CHD1: variants seen among roughly 807,000 people sequenced by gnomAD.
The protein encoded by CHD1 is ATP-dependent chromatin remodeler CHD1.
In CHD1, 36 loss-of-function variants were observed where a neutral mutation model predicts 224.2. The observed-to-expected ratio is 0.16, with a 90% CI of 0.12 to 0.21. The LOEUF (loss-of-function observed/expected upper bound fraction) is 0.21, where lower values mean the gene tolerates loss of function less well. Among genes scored for constraint, CHD1 ranks in the 10% least tolerant of loss-of-function variants. The probability of loss-of-function intolerance (pLI) is 1.00; values close to 1 mark genes in which losing one functional copy is unlikely to be tolerated. For missense variants in CHD1, 1,378 were observed against 1,994.8 expected (o/e 0.69, Z 5.89); for synonymous variants, 668 against 658.3 (o/e 1.01, Z -0.23).
chr5:98,863,919 T>C (rs1748662337), intron 31 of CHD1, among the ~76,000 whole-genome samples: 1 of 152,212 alleles, frequency 6.6e-6, no homozygotes, highest in Admixed American at 6.5e-5. Flanking sequence ...TAAAAGATAG[T>C]AAAATATTTC....
intron 18 of CHD1, among the ~76,000 whole-genome samples, chr5:98,883,446 G>A (rs185200224): frequency 1.8e-4 from 28 of 152,018 alleles, no homozygotes; most frequent in African/African-American, 3.6e-4. Context: ...GAAAGAAAAC[G>A]GGATAGGAAA....
intron 2 of CHD1, among the ~76,000 whole-genome samples, chr5:98,912,350 G>A (rs919489658): frequency 1.6e-4 from 24 of 152,156 alleles, no homozygotes; most frequent in African/African-American, 3.1e-4. Flanking sequence ...AAAAAAATCC[G>A]AAAAGATAAA....
chr5:98,896,071 G>A (rs1441529161), intron 12 of CHD1, among the ~76,000 whole-genome samples, 155 bp downstream of exon 12: 1 of 152,010 alleles, frequency 6.6e-6, no homozygotes, highest in Non-Finnish European at 1.5e-5. Flanking sequence ...CAGGAGTGGT[G>A]GCGTGCTCCT....
At chr5:98,859,166 AG>A in intron 33 of CHD1, 151 bp from the exon 34 acceptor site, 1 of 525,292 alleles carries the variant, frequency 1.9e-6, no homozygotes, top group Non-Finnish European at 3.3e-6. Flanking sequence ...TGACATTTAT[AG>A]ATCTCCATTT....
At chr5:98,875,353 T>C (rs899865965) in intron 24 of CHD1, among the ~76,000 whole-genome samples, 4 of 152,262 alleles carry the variant, frequency 2.6e-5, no homozygotes, top group African/African-American at 7.2e-5. Context: ...AATAAAACAA[T>C]AGAAGCTAAA....
intron 28 of CHD1, among the ~76,000 whole-genome samples, chr5:98,871,368 G>GAAA (rs1749319778): frequency 3.7e-5 from 1 of 26,884 alleles, no homozygotes. Context: ...CCCATTTTAG[G>GAAA]CAAAAAAAAA....
intron 18 of CHD1, among the ~76,000 whole-genome samples, chr5:98,883,561 G>A (rs1022144968): frequency 1.3e-5 from 2 of 151,652 alleles, no homozygotes; most frequent in African/African-American, 4.8e-5. Flanking sequence ...TTCCTTAAAG[G>A]AACTAAAAGT....
Position 98,856,327 on chromosome 5 carries a change from T to A in CHD1, c.*53A>T. The A allele has an allele frequency of 1.5e-6, 2 of 1,352,402 alleles. No individual in the cohort carries two copies. Among genetic ancestry groups the A allele is most frequent in the Non-Finnish European group, 2.1e-6 (2 of 956,090 alleles). 83.8% of individuals were successfully genotyped at this position (1,352,402 alleles called of 1,614,324 possible). A position where few individuals can be genotyped will look rare whatever the true frequency, so the allele number is the denominator to read the frequency against. On this transcript the variant is annotated 3_prime_UTR_variant, in exon 36 of 36. Coordinates refer to ENST00000614616, the MANE Select transcript of CHD1 (RefSeq NM_001270.4). ...TCATGTAAGGCAATTACTGTGTTGGTTTATGATATATGGCTAAAAGAAAAG... is the reference window on the plus strand; with the variant it reads ...TCATGTAAGGCAATTACTGTGTTGGATTATGATATATGGCTAAAAGAAAAG...
chr5:98,894,775 A>C, intron 12 of CHD1, 89 bp from the exon 13 acceptor site: 1 of 593,242 alleles, frequency 1.7e-6, no homozygotes, highest in Middle Eastern at 4.7e-4. Context: ...AATCCATTCA[A>C]ATATGTAAGT....
intron 35 of CHD1, among the ~76,000 whole-genome samples, chr5:98,856,943 A>C (rs1748080499): frequency 6.6e-6 from 1 of 152,120 alleles, no homozygotes; most frequent in African/African-American, 2.4e-5. Flanking sequence ...AACCATACAA[A>C]ACCCCTAAAA....
intron 2 of CHD1, among the ~76,000 whole-genome samples, chr5:98,919,957 T>C (rs1752982160): frequency 6.6e-6 from 1 of 152,104 alleles, no homozygotes; most frequent in Admixed American, 6.6e-5. Flanking sequence ...TGGCTGATTC[T>C]AGGGTAAAAG....
intron 2 of CHD1, among the ~76,000 whole-genome samples, chr5:98,910,276 G>A (rs1233388209): frequency 6.6e-6 from 1 of 152,044 alleles, no homozygotes; most frequent in African/African-American, 2.4e-5. Context: ...AATTTTAATA[G>A]TTTCAAAATA....
At chr5:98,871,875 A>C (rs182949629) in intron 28 of CHD1, among the ~76,000 whole-genome samples, 176 bp downstream of exon 28, 1 of 152,334 alleles carries the variant, frequency 6.6e-6, no homozygotes, top group East Asian at 1.9e-4. Context: ...AAAATCTCAG[A>C]AATCATTTAA....
intron 4 of CHD1, among the ~76,000 whole-genome samples, chr5:98,903,380 A>G (rs767297179): frequency 2.4e-4 from 36 of 151,400 alleles, no homozygotes; most frequent in Non-Finnish European, 3.5e-4. Flanking sequence ...CACAAACTAC[A>G]TTGTGTATAG....
chr5:98,887,265 CCTT>C (rs1376406235), intron 17 of CHD1, among the ~76,000 whole-genome samples: 1 of 152,110 alleles, frequency 6.6e-6, no homozygotes, highest in Non-Finnish European at 1.5e-5. Flanking sequence ...AAATACCTGT[CCTT>C]CTTCACAACA....
At chr5:98,861,111 G>A (rs1054794066) in intron 32 of CHD1, among the ~76,000 whole-genome samples, 12 of 152,108 alleles carry the variant, frequency 7.9e-5, no homozygotes, top group East Asian at 3.8e-4. Flanking sequence ...TGAGGCAAGC[G>A]TCAGCACTTA....
rs1748635660 is a variant in CHD1 at position 98,863,541 on chromosome 5, C to G, written c.4294G>C (p.Asp1432His). ...RPVKAALKQLDRPEKGLSERE... is the reference protein window; with the variant it reads ...RPVKAALKQLHRPEKGLSERE... ...TCTGAAAGGCCTTTCTCAGGCCTAT[C>G]AAGTTGTTTCAAAGCTGCTTTAACA... The change falls in exon 32 of 36, where the codon GAT (aspartate) becomes CAT (histidine). Residue 1432 changes from aspartate (D) to histidine (H), a missense_variant. Asp to His is a moderately conservative substitution (Grantham distance 81). Coordinates refer to ENST00000614616, the MANE Select transcript of CHD1 (RefSeq NM_001270.4). 1 of 1,608,826 alleles carries G rather than the reference C, an allele frequency of 6.2e-7. No individual in the cohort carries two copies. Among genetic ancestry groups the G allele is most frequent in the Non-Finnish European group, 8.5e-7 (1 of 1,178,624 alleles).
At chr5:98,903,475 C>A (rs1751855421) in intron 4 of CHD1, among the ~76,000 whole-genome samples, 1 of 150,832 alleles carries the variant, frequency 6.6e-6, no homozygotes, top group South Asian at 2.1e-4. Context: ...AATATTCCTT[C>A]ATTCATACAT....
chr5:98,859,821 C>T (rs1748327497), intron 33 of CHD1, 151 bp downstream of exon 33: 4 of 434,528 alleles, frequency 9.2e-6, no homozygotes, highest in Non-Finnish European at 8.4e-6. Context: ...CTGTGAATCT[C>T]GCCTGCAACA....
Sources: gnomAD v4.1 joint callset for allele counts (sites outside exome capture counted in the v4.1 genomes callset) on GRCh38, gnomAD v4.1.1 for gene constraint, MANE v1.5 for transcripts, NCBI Gene and HGNC (gene_info 2026-07-23, HGNC 2026-07-21) for gene names.